HSPA12A: variants seen among roughly 807,000 people sequenced by gnomAD.
HSPA12A encodes the protein heat shock protein family A (Hsp70) member 12A.
In HSPA12A, 28 loss-of-function variants were observed where a neutral mutation model predicts 69.2. The ratio of observed to expected loss-of-function variants is 0.40; its 90% CI spans 0.30 to 0.55. The LOEUF (loss-of-function observed/expected upper bound fraction) is 0.55. Among genes scored for constraint, HSPA12A ranks in the 20% least tolerant of loss-of-function variants. The probability of loss-of-function intolerance (pLI) is 0.38; values close to 1 mark genes in which losing one functional copy is unlikely to be tolerated. For missense variants in HSPA12A, 686 were observed against 900.7 expected, an observed-to-expected ratio of 0.76 and a Z score of 3.05; for synonymous variants, 345 against 370.5, an observed-to-expected ratio of 0.93 and a Z score of 0.79.
At chr10:116,707,076 AG>A in intron 2 of HSPA12A, 123 bp downstream of exon 2, 1 of 766,676 alleles carries the variant, frequency 1.3e-6, no homozygotes, top group Non-Finnish European at 2.0e-6. Context: ...GGGGCTGTCC[AG>A]CAGCCTGAAC....
chr10:116,674,780 G>T lies in HSPA12A; in HGVS notation c.*1C>A. The T allele has an allele frequency of 1.2e-6, 2 of 1,602,784 alleles. No homozygotes were observed. The highest frequency in any genetic ancestry group is 2.2e-5 in the East Asian group (1 of 44,682). On this transcript the variant is annotated 3_prime_UTR_variant, in exon 12 of 12. Coordinates refer to ENST00000369209, the MANE Select transcript of HSPA12A (RefSeq NM_025015.3). ...AGGGGACAGGCAGCGGGGCGGGAGG[G>T]TTAGTAATTTAAGAAGTCGATCCCA...
upstream of HSPA12A, chr10:116,849,839 C>A: frequency 1.6e-6 from 2 of 1,265,094 alleles, no homozygotes; most frequent in Admixed American, 2.5e-5. Flanking sequence ...CGCATGCCAG[C>A]CGCCCGGGCC....
intron 6 of HSPA12A, among the ~76,000 whole-genome samples, chr10:116,689,935 G>T (rs1318495653): frequency 2.0e-5 from 3 of 152,156 alleles, no homozygotes; most frequent in Admixed American, 6.5e-5. Context: ...CTCAAGGAGG[G>T]CCATTGCTTT....
chr10:116,752,665 C>A (rs1251711185), intron 2 of HSPA12A, among the ~76,000 whole-genome samples: 1 of 152,160 alleles, frequency 6.6e-6, no homozygotes, highest in Non-Finnish European at 1.5e-5. Context: ...GCAAGGAGTG[C>A]AGTAGTTAAG....
At chr10:116,793,644 A>G (rs1254520891) in intron 2 of HSPA12A, among the ~76,000 whole-genome samples, 2 of 152,152 alleles carry the variant, frequency 1.3e-5, no homozygotes, top group African/African-American at 4.8e-5. Context: ...GCAAATCAAG[A>G]GAGGGAGAAT....
intron 2 of HSPA12A, among the ~76,000 whole-genome samples, chr10:116,806,902 G>A (rs1681744): frequency 0.98 from 148,816 of 152,330 alleles, 72,788 homozygotes; most frequent in Middle Eastern, 1. Flanking sequence ...ATTTGGAGAT[G>A]AGGAGATCGT....
chr10:116,842,653 G>A (rs1845821486), intron 1 of HSPA12A, among the ~76,000 whole-genome samples: 1 of 152,122 alleles, frequency 6.6e-6, no homozygotes, highest in African/African-American at 2.4e-5. Context: ...GTCTTGCTCT[G>A]TCGCCCGGGT....
At position 116,679,614 on chromosome 10, in the gene HSPA12A, G is replaced by A. The variant is rs368507473; in HGVS notation, c.1175C>T (p.Ala392Val). ...LMIAFESRKR[A>V]AAPDRTNPLN... ...CGGGTTAGTTCTGTCTGGGGCAGCC[G>A]CCCTTTTGCGAGACTCAAACGCAAT... The change falls in exon 10 of 12, where the codon GCG (alanine) becomes GTG (valine). Residue 392 changes from alanine (A) to valine (V), a missense_variant. Physicochemically the swap from Ala to Val is moderately conservative, Grantham distance 64 (BLOSUM62 0). Transcript: ENST00000369209. 4.5e-5 allele frequency: 72 copies of A among 1,614,262 alleles called. 2 individuals carry two copies. In the South Asian group the frequency reaches 7.0e-4, roughly 16 times the overall value.
chr10:116,742,433 G>C lies in HSPA12A; in HGVS notation c.37C>G (p.Arg13Gly), dbSNP rs1245669660. 3 of 1,417,832 alleles carry C rather than the reference G, an allele frequency of 2.1e-6. No homozygotes were observed. Among genetic ancestry groups the C allele is most frequent in the Admixed American group, 2.6e-5 (1 of 38,160 alleles). 87.8% of individuals were successfully genotyped at this position (1,417,832 alleles called of 1,614,324 possible). A position where few individuals can be genotyped will look rare whatever the true frequency, so the allele number is the denominator to read the frequency against. The change falls in exon 1 of 12, where the codon CGA becomes GGA. Residue 13 changes from arginine (R) to glycine (G), a missense_variant. Transcript: ENST00000369209. ...DKEAGGSDGP[R>G]ETAPTSAYSS... is the part of the protein sequence containing the mutation. ...AGGACCCGCAGCCTGCGCTCACCTC[G>C]GGGCCCGTCGCTGCCGCCGGCCTCC...
chr10:116,702,651 T>C (rs1554881771), intron 3 of HSPA12A, among the ~76,000 whole-genome samples: 1 of 152,184 alleles, frequency 6.6e-6, no homozygotes, highest in African/African-American at 2.4e-5. Flanking sequence ...CCTTCACAAA[T>C]GGAATTGTCA....
At chr10:116,845,246 T>C (rs1016593509) in intron 1 of HSPA12A, among the ~76,000 whole-genome samples, 19 of 152,136 alleles carry the variant, frequency 1.2e-4, no homozygotes, top group Non-Finnish European at 2.4e-4. Context: ...AAATTTATAG[T>C]TATTATATAT....
chr10:116,772,017 A>T (rs1257993449), intron 2 of HSPA12A, among the ~76,000 whole-genome samples: 5 of 152,182 alleles, frequency 3.3e-5, no homozygotes, highest in Non-Finnish European at 7.4e-5. Context: ...TACACTCAAT[A>T]AGCTTAACAT....
chr10:116,785,537 C>G (rs1844556793), intron 2 of HSPA12A, among the ~76,000 whole-genome samples: 1 of 152,102 alleles, frequency 6.6e-6, no homozygotes, highest in African/African-American at 2.4e-5. Context: ...CTGGTTCTCC[C>G]TCTAAGCCTC....
Position 116,675,423 on chromosome 10 carries a change from A to G in HSPA12A, c.1391-5T>C. The G allele has an allele frequency of 6.3e-7, 1 of 1,577,196 alleles. No individual in the cohort carries two copies. The highest frequency in any genetic ancestry group is 1.2e-5 in the South Asian group (1 of 85,390). ...CGGGCTTCTGAAACAGGTCCCCTGG[A>G]AGGGAAGAGGCAGGGAGAATGTCCT... is the stretch of plus-strand genomic sequence containing the variant. On this transcript the variant is annotated splice_polypyrimidine_tract_variant and splice_region_variant and intron_variant, in intron 11 of 11. Coordinates refer to ENST00000369209, the MANE Select transcript of HSPA12A (RefSeq NM_025015.3). The surrounding 1 kb of genome is among the most constrained non-coding windows in gnomAD (Gnocchi z 5.2).
chr10:116,840,761 C>T (rs1845790269), intron 1 of HSPA12A, among the ~76,000 whole-genome samples: 1 of 152,068 alleles, frequency 6.6e-6, no homozygotes, highest in Non-Finnish European at 1.5e-5. Context: ...ACTGTCTTCT[C>T]CATTTTCAAG....
At position 116,813,290 on chromosome 10, in the gene HSPA12A, T is replaced by G. The variant is rs1049976650; in HGVS notation, c.91+21645A>C. ...AGATGGAGTCTTGCTCTGTTGCCCA[T>G]GCTGGAGTGCAGTGGCGCGATCTCG... On this transcript the variant is annotated intron_variant, in intron 2 of 12. Transcript: ENST00000635765. Among the ~76,000 whole-genome samples the G allele has an allele frequency of 1.3e-3, 192 of 145,670 alleles. No homozygotes were observed. In the Middle Eastern group the frequency reaches 0.014, roughly 11 times the overall value.
chr10:116,784,787 G>A (rs1262160699), intron 2 of HSPA12A, among the ~76,000 whole-genome samples: 3 of 151,662 alleles, frequency 2.0e-5, no homozygotes, highest in African/African-American at 4.9e-5. Flanking sequence ...TGGGATCTTT[G>A]GACTAGATGG....
intron 2 of HSPA12A, among the ~76,000 whole-genome samples, chr10:116,804,326 G>A (rs1345673609): frequency 6.6e-6 from 1 of 152,182 alleles, no homozygotes; most frequent in African/African-American, 2.4e-5. Context: ...CTGAGGCTGG[G>A]TCCGCCGTGA....
chr10:116,818,443 C>T (rs1845348361), intron 2 of HSPA12A, among the ~76,000 whole-genome samples: 2 of 152,046 alleles, frequency 1.3e-5, no homozygotes, highest in Admixed American at 1.3e-4. Context: ...GACACAGTTG[C>T]ATCATAGGTT....
Sources: gnomAD v4.1 joint callset for allele counts (sites outside exome capture counted in the v4.1 genomes callset) on GRCh38, gnomAD v4.1.1 for gene constraint, Gnocchi (gnomAD v3.1) non-coding constraint, MANE v1.5 for transcripts, NCBI Gene and HGNC (gene_info 2026-07-23, HGNC 2026-07-21) for gene names.